Variants in PPP1CA observed in about 807,000 individuals in gnomAD.
The protein encoded by PPP1CA is serine/threonine-protein phosphatase PP1-alpha catalytic subunit.
In PPP1CA, 14 loss-of-function variants were observed where a neutral mutation model predicts 38.5. The observed-to-expected ratio is 0.36, with a 90% confidence interval of 0.24 to 0.57. PPP1CA has a LOEUF of 0.57. PPP1CA is among the 20% of genes least tolerant of loss of function. The pLI, the probability that PPP1CA is intolerant of heterozygous loss-of-function variation, is 0.80. For missense variants in PPP1CA, 277 were observed against 435.2 expected (o/e 0.64, Z 3.23); for synonymous variants, 200 against 177.3 (o/e 1.13, Z -1.02).
chr11:67,401,448 G>A (rs1862887120), intron 1 of PPP1CA: 7 of 658,156 alleles, frequency 1.1e-5, no homozygotes, highest in Non-Finnish European at 1.8e-5. Flanking sequence ...TCACAGCGCA[G>A]GACCCCTTCC....
chr11:67,400,947 G>C (rs1374100970), intron 2 of PPP1CA, 28 bp from the exon 3 acceptor site: 1 of 1,611,914 alleles, frequency 6.2e-7, no homozygotes. Context: ...GGGTAAGCTA[G>C]ATGCAAGGTC....
At chr11:67,399,193 A>T (rs1402368039) in intron 4 of PPP1CA, 30 bp from the exon 5 acceptor site, 1 of 1,584,258 alleles carries the variant, frequency 6.3e-7, no homozygotes, top group South Asian at 1.1e-5. Context: ...TCACTTCCTC[A>T]AACAAGGACA....
Position 67,398,771 on chromosome 11 carries a change from T to C in PPP1CA, c.833A>G (p.Asn278Ser), listed in dbSNP as rs1156845734. The stretch of plus-strand genomic sequence containing the variant: ...GTCCACACTCATCATGGCGCCAGCA[T>C]TGTCAAACTCGCCACAGTAGTTGGG... ...SAPNYCGEFDNAGAMMSVDET... is the reference protein window; with the variant it reads ...SAPNYCGEFDSAGAMMSVDET... Residue 278 changes from asparagine to serine, a missense_variant, in exon 6 of 7, where the codon AAT becomes AGT. Asn to Ser is a conservative substitution (Grantham distance 46). This residue lies in a region of PPP1CA where 180 missense variants were observed against 356.7 expected (regional missense o/e 0.50). Coordinates refer to ENST00000376745, the MANE Select transcript of PPP1CA (RefSeq NM_002708.4). The C allele has an allele frequency of 6.2e-7, 1 of 1,613,854 alleles. No homozygotes were observed.
chr11:67,401,630 C>T, intron 1 of PPP1CA, 98 bp downstream of exon 1: 1 of 1,081,694 alleles, frequency 9.2e-7, no homozygotes. Flanking sequence ...CGTCCCCGCC[C>T]AGTCTAAGCT....
At chr11:67,398,882 C>A (rs1487674005) in intron 5 of PPP1CA, 26 bp from the exon 6 acceptor site, 1 of 1,611,742 alleles carries the variant, frequency 6.2e-7, no homozygotes, top group Non-Finnish European at 8.5e-7. Flanking sequence ...AGCAGTCAGT[C>A]CCGAGCGCAG....
rs762718474 is a variant in PPP1CA, at chr11:67,399,547, A to G, written c.523+14T>C. On this transcript the variant is annotated intron_variant, in intron 4 of 6. Coordinates refer to ENST00000376745, the MANE Select transcript of PPP1CA (RefSeq NM_002708.4). The stretch of plus-strand genomic sequence containing the variant: ...CGGCCAGTGCTCCTCCTCCCCAGCC[A>G]TCCCCTCCCTCACCTCCGTGGCAGC... 9 of 1,612,274 alleles carry G rather than the reference A, an allele frequency of 5.6e-6. No individual in the cohort carries two copies. In the South Asian group the frequency reaches 7.7e-5, roughly 14 times the overall value.
chr11:67,401,837 T>G lies in PPP1CA; in HGVS notation c.-55A>C, dbSNP rs1278946347. 21 of 1,315,148 alleles carry G rather than the reference T, an allele frequency of 1.6e-5. No homozygotes were observed. The highest frequency in any genetic ancestry group is 3.2e-5 in the East Asian group (1 of 31,322). 81.5% of individuals were successfully genotyped at this position (1,315,148 alleles called of 1,614,324 possible). On this transcript the variant is annotated 5_prime_UTR_variant, in exon 1 of 7. Coordinates refer to ENST00000376745, the MANE Select transcript of PPP1CA (RefSeq NM_002708.4). ...CCTGGCCCGCTCCTGCCTCCCGCCCTCCGGCAGCCTCCTTCCGGCCTGGCT... is the reference window on the plus strand; with the variant it reads ...CCTGGCCCGCTCCTGCCTCCCGCCCGCCGGCAGCCTCCTTCCGGCCTGGCT...
chr11:67,399,668 G>C lies in PPP1CA; in HGVS notation c.419-3C>G, dbSNP rs1172174778. 3 of 1,610,938 alleles carry C rather than the reference G, an allele frequency of 1.9e-6. No individual in the cohort carries two copies. The highest frequency in any genetic ancestry group is 2.5e-6 in the Non-Finnish European group (3 of 1,178,344). Reference sequence around the variant, plus strand: ...TTTGATGTTGTAGCGTCTCTTGCCTGCCCAGGGGGAGGTGGCTGTGAGGTG... The same window carrying C: ...TTTGATGTTGTAGCGTCTCTTGCCTCCCCAGGGGGAGGTGGCTGTGAGGTG... On this transcript the variant is annotated splice_polypyrimidine_tract_variant and splice_region_variant and intron_variant, in intron 3 of 6. Coordinates refer to ENST00000376745, the MANE Select transcript of PPP1CA (RefSeq NM_002708.4).
Position 67,401,111 on chromosome 11 carries a change from G to A in PPP1CA, c.144C>T (p.Ser48=), listed in dbSNP as rs149747203. The change falls in exon 2 of 7, where the codon AGC becomes AGT. Residue 48 remains serine, a synonymous_variant. Transcript: ENST00000376745. Reference sequence around the variant, plus strand: ...CCTCCAGCTCCAGAAGAATGGGCTGGCTCAGAAAAATCTCCCGGGATTTCA... The same window carrying A: ...CCTCCAGCTCCAGAAGAATGGGCTGACTCAGAAAAATCTCCCGGGATTTCA... ...LCLKSREIFL[S]QPILLELEAP... is the part of the protein sequence containing the mutation. 7.4e-6 allele frequency: 12 copies of A among 1,613,840 alleles called. No homozygotes were observed. Among genetic ancestry groups the A allele is most frequent in the Non-Finnish European group, 9.3e-6 (11 of 1,180,028 alleles).
At chr11:67,400,525 G>A (rs1464567125) in intron 3 of PPP1CA, among the ~76,000 whole-genome samples, 164 bp downstream of exon 3, 1 of 152,240 alleles carries the variant, frequency 6.6e-6, no homozygotes, top group African/African-American at 2.4e-5. Context: ...CAGACCCCAT[G>A]CCAGGAGGGG....
Position 67,401,761 on chromosome 11 carries a change from T to C in PPP1CA, c.22A>G (p.Asn8Asp). ...AGGCGCCCGATGATCGAGTCCAGGT[T>C]GAGCTTCTCGCTGTCGGACATGGCG... MSDSEKL[N>D]LDSIIGRLLE... Residue 8 changes from asparagine (N) to aspartate (D), a missense_variant, in exon 1 of 7, where the codon AAC (asparagine) becomes GAC (aspartate). By Grantham distance (23) the Asn-to-Asp change is conservative. This residue lies in a region of PPP1CA where 44 missense variants were observed against 27.4 expected (regional missense o/e 1.60). Transcript: ENST00000376745. The C allele has an allele frequency of 6.8e-7, 1 of 1,478,918 alleles. No individual in the cohort carries two copies. Among genetic ancestry groups the C allele is most frequent in the Non-Finnish European group, 9.0e-7 (1 of 1,105,730 alleles). 91.6% of individuals were successfully genotyped at this position (1,478,918 alleles called of 1,614,324 possible).
Position 67,401,826 on chromosome 11 carries a change from G to A in PPP1CA, c.-44C>T. 1 of 1,371,742 alleles carries A rather than the reference G, an allele frequency of 7.3e-7. No individual in the cohort carries two copies. Among genetic ancestry groups the A allele is most frequent in the Non-Finnish European group, 9.5e-7 (1 of 1,051,042 alleles). The allele number at this position is 1,371,742 out of a possible 1,614,324, so 85.0% of individuals were successfully genotyped here. On this transcript the variant is annotated 5_prime_UTR_variant, in exon 1 of 7. Transcript: ENST00000376745. ...GCCCAGCAGCTCCTGGCCCGCTCCT[G>A]CCTCCCGCCCTCCGGCAGCCTCCTT...
At chr11:67,401,362 TC>T in intron 1 of PPP1CA, 163 bp from the exon 2 acceptor site, 1 of 1,237,332 alleles carries the variant, frequency 8.1e-7, no homozygotes, top group Non-Finnish European at 1.1e-6. Flanking sequence ...GCCTCAAGCC[TC>T]CCAGGGGAAG....
intron 1 of PPP1CA, 51 bp downstream of exon 1, chr11:67,401,677 G>T: frequency 7.6e-7 from 1 of 1,310,654 alleles, no homozygotes. Context: ...CTTCCGGGCC[G>T]GGCAGGGGGC....
At position 67,399,600 on chromosome 11, in the gene PPP1CA, C is replaced by A; in HGVS notation, c.484G>T (p.Ala162Ser). ...AAGATCTTTTCGTCCACTATGGCCG[C>A]GATGGGCAGGCAGTTGAAGCAGTCA... Reference protein sequence around the residue: ...FTDCFNCLPIAAIVDEKIFCC... With the variant: ...FTDCFNCLPISAIVDEKIFCC... Residue 162 changes from alanine to serine, a missense_variant, in exon 4 of 7, where the codon GCG becomes TCG. Transcript: ENST00000376745. The A allele has an allele frequency of 6.2e-7, 1 of 1,614,124 alleles. No homozygotes were observed. The highest frequency in any genetic ancestry group is 8.5e-7 in the Non-Finnish European group (1 of 1,180,002).
intron 3 of PPP1CA, among the ~76,000 whole-genome samples, chr11:67,400,145 T>C (rs1862851492): frequency 6.6e-6 from 1 of 152,098 alleles, no homozygotes; most frequent in Admixed American, 6.5e-5. Context: ...CTCAAAAAAG[T>C]AAAGAAACAG....
intron 3 of PPP1CA, among the ~76,000 whole-genome samples, chr11:67,399,946 A>G (rs977837854): frequency 1.3e-5 from 2 of 151,952 alleles, no homozygotes; most frequent in African/African-American, 2.4e-5. Flanking sequence ...GACCAGCCTG[A>G]CCAACATGGA....
rs1328989555 is a variant in PPP1CA at position 67,399,093 on chromosome 11, C to T, written c.594G>A (p.Gln198=). The change falls in exon 5 of 7, where the codon CAG becomes CAA. Residue 198 remains glutamine (Q), a synonymous_variant. Coordinates refer to ENST00000376745, the MANE Select transcript of PPP1CA (RefSeq NM_002708.4). ...ACCACAGCAGGTCACACAGCAGGCC[C>T]TGGTCAGGCACATCTGTGGGCCGCA... ...RIMRPTDVPD[Q]GLLCDLLWSD... 34 of 1,613,536 alleles carry T rather than the reference C, an allele frequency of 2.1e-5. No homozygotes were observed. The highest frequency in any genetic ancestry group is 2.9e-5 in the Non-Finnish European group (34 of 1,180,042).
chr11:67,398,405 A>G lies in PPP1CA; in HGVS notation c.*130T>C, dbSNP rs374042890. 3.2e-6 allele frequency: 3 copies of G among 927,416 alleles called. No individual in the cohort carries two copies. The highest frequency in any genetic ancestry group is 3.4e-5 in the African/African-American group (2 of 59,648). 57.4% of individuals were successfully genotyped at this position (927,416 alleles called of 1,614,324 possible). A position where few individuals can be genotyped will look rare whatever the true frequency, so the allele number is the denominator to read the frequency against. ...ATTGATTCATTAAAAAAAGAAAAGA[A>G]AAATACACCAAGGCTCCATGTTCCC... On this transcript the variant is annotated 3_prime_UTR_variant, in exon 7 of 7. Coordinates refer to ENST00000376745, the MANE Select transcript of PPP1CA (RefSeq NM_002708.4).
Sources: gnomAD v4.1 joint callset for allele counts (sites outside exome capture counted in the v4.1 genomes callset) on GRCh38, gnomAD v4.1.1 for gene constraint, gnomAD v4.1.1 regional missense constraint, MANE v1.5 for transcripts, NCBI Gene and HGNC (gene_info 2026-07-23, HGNC 2026-07-21) for gene names.